GK5: variants seen among roughly 807,000 people sequenced by gnomAD.
GK5 encodes the protein ATP:glycerol 3-phosphotransferase 5.
Under a neutral mutation model 77.3 loss-of-function variants are expected in GK5, and 39 were observed. The ratio of observed to expected loss-of-function variants is 0.50; its 90% CI spans 0.39 to 0.66. GK5 has a LOEUF of 0.66. GK5 is among the 30% of genes least tolerant of loss of function. The pLI is 0.00. For missense variants in GK5, 487 were observed against 633.8 expected, an observed-to-expected ratio of 0.77 and a Z score of 2.49; for synonymous variants, 211 against 208.0, an observed-to-expected ratio of 1.01 and a Z score of -0.13.
chr3:142,187,913 T>C (rs779557796), intron 5 of GK5, 134 bp from the exon 6 acceptor site: 7 of 635,800 alleles, frequency 1.1e-5, no homozygotes, highest in South Asian at 2.0e-5. Flanking sequence ...TTCTAGAATA[T>C]ATTCCAAATG....
chr3:142,187,672 T>C, intron 6 of GK5, 32 bp downstream of exon 6: 1 of 1,466,726 alleles, frequency 6.8e-7, no homozygotes, highest in South Asian at 1.2e-5. Flanking sequence ...AAATTTCGGT[T>C]ATTTAAAATA....
intron 5 of GK5, among the ~76,000 whole-genome samples, chr3:142,191,936 TATA>T (rs1301714234): frequency 6.6e-6 from 1 of 152,130 alleles, no homozygotes; most frequent in Non-Finnish European, 1.5e-5. Flanking sequence ...GTTTTGAGGC[TATA>T]ATGAGCCACG....
chr3:142,219,025 CAAGTCA>C (rs1314074609), intron 1 of GK5, among the ~76,000 whole-genome samples: 3 of 152,238 alleles, frequency 2.0e-5, no homozygotes, highest in African/African-American at 7.2e-5. Flanking sequence ...TAGAGAAATG[CAAGTCA>C]AATCAAATAA....
rs116312207 is a variant in GK5 at position 142,197,350 on chromosome 3, C to T, written c.543+1452G>A. Among the ~76,000 whole-genome samples the T allele has an allele frequency of 2.0e-5, 3 of 152,254 alleles. No individual in the cohort carries two copies. In the South Asian group the frequency reaches 6.2e-4, roughly 32 times the overall value. On this transcript the variant is annotated intron_variant, in intron 5 of 15. Coordinates refer to ENST00000392993, the MANE Select transcript of GK5 (RefSeq NM_001039547.3). ...TATATATTTATGATGAATTCACCAT[C>T]TTATCATTATAAAATTCCCTTTTTA... is the stretch of plus-strand genomic sequence containing the variant.
intron 14 of GK5, among the ~76,000 whole-genome samples, chr3:142,171,179 C>T (rs1008715156): frequency 1.9e-4 from 29 of 151,832 alleles, no homozygotes; most frequent in African/African-American, 7.0e-4. Context: ...TGCAGTGAGC[C>T]GAGATCATGC....
intron 5 of GK5, among the ~76,000 whole-genome samples, chr3:142,193,189 G>A (rs1304202614): frequency 6.6e-6 from 1 of 152,092 alleles, no homozygotes; most frequent in Non-Finnish European, 1.5e-5. Flanking sequence ...TGGGGAGTAA[G>A]GGCATATGGA....
intron 3 of GK5, among the ~76,000 whole-genome samples, chr3:142,212,944 C>T (rs562589418): frequency 6.6e-6 from 1 of 151,170 alleles, no homozygotes; most frequent in East Asian, 2.0e-4. Flanking sequence ...ACGCCATTCT[C>T]CTGCCTCAGC....
intron 4 of GK5, chr3:142,204,149 G>A (rs1279172198): frequency 1.2e-5 from 2 of 169,342 alleles, no homozygotes; most frequent in African/African-American, 2.4e-5. Context: ...CTACCAAGTA[G>A]CAGGGACTAG....
chr3:142,177,449 T>C (rs2063631900), intron 12 of GK5, 33 bp downstream of exon 12: 1 of 1,231,770 alleles, frequency 8.1e-7, no homozygotes, highest in Non-Finnish European at 1.2e-6. Context: ...AGAAAAATAT[T>C]TGTGATTGCC....
chr3:142,185,897 T>C, intron 9 of GK5, 32 bp downstream of exon 9: 1 of 1,578,896 alleles, frequency 6.3e-7, no homozygotes, highest in Non-Finnish European at 8.7e-7. Context: ...GTTTATACTA[T>C]ACAAAGGGAA....
In GK5 at chr3:142,165,762, T is replaced by C; in HGVS notation, c.1450A>G (p.Thr484Ala). 1 of 1,596,918 alleles carries C rather than the reference T, an allele frequency of 6.3e-7. No homozygotes were observed. Among genetic ancestry groups the C allele is most frequent in the Non-Finnish European group, 8.5e-7 (1 of 1,174,072 alleles). The change falls in exon 16 of 16, where the codon ACT becomes GCT. Residue 484 changes from threonine (T) to alanine (A), a missense_variant. Coordinates refer to ENST00000392993, the MANE Select transcript of GK5 (RefSeq NM_001039547.3). ...AGTTTCTTTAGTTCCTCCTTGTCAG[T>C]CCAAAACCCTATAGATAAAAAAATT... The part of the protein sequence containing the change: ...SLAGLAVGFW[T>A]DKEELKKLRQ...
intron 5 of GK5, among the ~76,000 whole-genome samples, chr3:142,188,215 GGT>G (rs2063800585): frequency 6.6e-6 from 1 of 152,146 alleles, no homozygotes; most frequent in East Asian, 1.9e-4. Flanking sequence ...TAGCCAACAT[GGT>G]GAAACCCCAT....
At chr3:142,177,606 C>G (rs775960176) in intron 11 of GK5, 30 bp from the exon 12 acceptor site, 1 of 1,388,806 alleles carries the variant, frequency 7.2e-7, no homozygotes, top group Non-Finnish European at 1.0e-6. Context: ...ACAAAAAACC[C>G]TAAAACAAAA....
chr3:142,213,839 T>G (rs1248029328), intron 2 of GK5, among the ~76,000 whole-genome samples: 1 of 152,232 alleles, frequency 6.6e-6, no homozygotes, highest in African/African-American at 2.4e-5. Flanking sequence ...GTTTTTTGTT[T>G]TGAGACAAAG....
chr3:142,207,418 A>G (rs1247455104), intron 3 of GK5, among the ~76,000 whole-genome samples: 1 of 152,188 alleles, frequency 6.6e-6, no homozygotes, highest in Non-Finnish European at 1.5e-5. Context: ...ACTGCTGATC[A>G]ATATCTTGCT....
At chr3:142,222,543 G>A (rs1003078858) in intron 1 of GK5, among the ~76,000 whole-genome samples, 4 of 151,168 alleles carry the variant, frequency 2.6e-5, no homozygotes, top group African/African-American at 9.7e-5. Context: ...CAGCCTGGGC[G>A]ACAGAGCGAG....
rs2063397668 is a variant in GK5 at position 142,158,174 on chromosome 3, A to G, written c.*7448T>C. ...CACCATGTTAGCCAGGATGGTCTCG[A>G]TCTCCTGACCTCGTGATCCGCCAGC... On this transcript the variant is annotated 3_prime_UTR_variant, in exon 16 of 16. Coordinates refer to ENST00000392993, the MANE Select transcript of GK5 (RefSeq NM_001039547.3). The G allele has an allele frequency of 6.6e-6, 1 of 152,060 alleles. No individual in the cohort carries two copies. The highest frequency in any genetic ancestry group is 2.4e-5 in the African/African-American group (1 of 41,316). The allele number at this position is 152,060 out of a possible 1,614,324, so 9.4% of individuals were successfully genotyped here.
chr3:142,225,408 C>T lies in GK5; in HGVS notation c.48G>A (p.Arg16=), dbSNP rs778700463. The T allele has an allele frequency of 6.2e-7, 1 of 1,600,758 alleles. No individual in the cohort carries two copies. The highest frequency in any genetic ancestry group is 1.7e-5 in the Admixed American group (1 of 59,098). The stretch of plus-strand genomic sequence containing the variant: ...CCAGCCCCAGCACGAAGCCGGGGTA[C>T]CGCGGCTCCTGCGCTCTCTGCTCCG... ...TDPEQRAQEP[R]YPGFVLGLDV... The change falls in exon 1 of 16, where the codon CGG becomes CGA. Residue 16 remains arginine, a synonymous_variant. Coordinates refer to ENST00000392993, the MANE Select transcript of GK5 (RefSeq NM_001039547.3).
chr3:142,210,408 G>A (rs1220814517), intron 3 of GK5, among the ~76,000 whole-genome samples: 1 of 152,174 alleles, frequency 6.6e-6, no homozygotes, highest in Non-Finnish European at 1.5e-5. Context: ...GTGCCCATCT[G>A]TGTTGTGTCC....
Sources: gnomAD v4.1 joint callset for allele counts (sites outside exome capture counted in the v4.1 genomes callset) on GRCh38, gnomAD v4.1.1 for gene constraint, MANE v1.5 for transcripts, NCBI Gene and HGNC (gene_info 2026-07-23, HGNC 2026-07-21) for gene names.